The following SNAP25 variants were observed in gnomAD, a reference collection of about 807,000 sequenced individuals.
SNAP25 encodes synaptosome associated protein 25, also known as synaptosomal-associated protein 25.
In SNAP25, 3 loss-of-function variants were observed where a neutral mutation model predicts 28.7. The observed-to-expected ratio is 0.10, with a 90% CI of 0.05 to 0.27. SNAP25 has a LOEUF of 0.27. Among genes scored for constraint, SNAP25 ranks in the 10% least tolerant of loss-of-function variants. SNAP25 has a pLI of 1.00. For synonymous variants in SNAP25, 61 were observed against 88.1 expected (o/e 0.69, Z 1.72); for missense variants, 117 against 278.7 (o/e 0.42, Z 4.13).
chr20:10,305,847 C>T (rs912761644), intron 7 of SNAP25, among the ~76,000 whole-genome samples: 5 of 151,936 alleles, frequency 3.3e-5, no homozygotes, highest in Admixed American at 2.6e-4. Context: ...TAAGCCTACG[C>T]TCTCTGGTAG....
chr20:10,231,418 G>A (rs1007786445), intron 1 of SNAP25: 1 of 152,272 alleles, frequency 6.6e-6, no homozygotes, highest in African/African-American at 2.4e-5. Flanking sequence ...GTCACAGGGT[G>A]AGCACTGCAG....
chr20:10,247,289 G>T (rs969283058), intron 1 of SNAP25, among the ~76,000 whole-genome samples: 1 of 152,128 alleles, frequency 6.6e-6, no homozygotes, highest in Admixed American at 6.5e-5. Context: ...ACAACCACTT[G>T]TTCTGATCAG....
intron 1 of SNAP25, among the ~76,000 whole-genome samples, chr20:10,262,945 G>A (rs1360377936): frequency 2.0e-5 from 3 of 150,668 alleles, no homozygotes; most frequent in Admixed American, 1.3e-4. Context: ...GGAGTAGTGG[G>A]TCAAAAGCTC....
At chr20:10,279,024 G>T (rs2058733705) in intron 3 of SNAP25, among the ~76,000 whole-genome samples, 1 of 152,212 alleles carries the variant, frequency 6.6e-6, no homozygotes, top group South Asian at 2.1e-4. Context: ...CACACCGGAA[G>T]GCAGCCCTAG....
At chr20:10,221,156 C>A (rs368016267) in intron 1 of SNAP25, among the ~76,000 whole-genome samples, 1 of 152,162 alleles carries the variant, frequency 6.6e-6, no homozygotes, top group South Asian at 2.1e-4. Flanking sequence ...CAGCTGTCTG[C>A]GTAGTTGCGT....
At chr20:10,274,906 G>A (rs989929057) in intron 1 of SNAP25, among the ~76,000 whole-genome samples, 9 of 152,086 alleles carry the variant, frequency 5.9e-5, no homozygotes, top group Admixed American at 5.9e-4. Context: ...GGATAGGGCA[G>A]GGGCCAGTGG....
At chr20:10,239,258 C>T (rs983220388) in intron 1 of SNAP25, among the ~76,000 whole-genome samples, 2 of 152,188 alleles carry the variant, frequency 1.3e-5, no homozygotes. Flanking sequence ...ACTGAGTGTG[C>T]CGTGCCACCT....
chr20:10,231,600 C>G (rs1230651929), intron 1 of SNAP25: 2 of 152,160 alleles, frequency 1.3e-5, no homozygotes, highest in Non-Finnish European at 2.9e-5. Flanking sequence ...AGGTCTTGGC[C>G]TCAAGTGGTG....
rs1205694858 is a variant in SNAP25 at position 10,293,574 on chromosome 20, G to T, written c.281+296G>T. ...AGACAGAGGCTAGCCTCAAGAAAGA[G>T]GCACCCAGGGAACTTCCTTTTCCCC... On this transcript the variant is annotated intron_variant, in intron 5 of 7. Transcript: ENST00000254976. This position sits in a 1 kb window ranked among gnomAD's most constrained non-coding sequence, Gnocchi z 5.6. Among the ~76,000 whole-genome samples the T allele has an allele frequency of 6.6e-6, 1 of 152,200 alleles. No homozygotes were observed. Among genetic ancestry groups the T allele is most frequent in the Non-Finnish European group, 1.5e-5 (1 of 68,028 alleles).
chr20:10,241,778 G>A (rs1428993055), intron 1 of SNAP25, among the ~76,000 whole-genome samples: 1 of 152,206 alleles, frequency 6.6e-6, no homozygotes, highest in East Asian at 1.9e-4. Context: ...GAGAAGCGCA[G>A]AGGAAAGTGA....
intron 1 of SNAP25, among the ~76,000 whole-genome samples, chr20:10,247,836 C>T (rs934174262): frequency 5.9e-5 from 9 of 152,232 alleles, no homozygotes; most frequent in Non-Finnish European, 1.3e-4. Flanking sequence ...TGACCCTCAA[C>T]TTAAAACTTA....
chr20:10,229,122 A>G (rs1466033741), intron 1 of SNAP25, among the ~76,000 whole-genome samples: 2 of 152,094 alleles, frequency 1.3e-5, no homozygotes, highest in African/African-American at 4.8e-5. Flanking sequence ...ATGCTTGAGG[A>G]GTTAAAAGAG....
chr20:10,250,204 CTACT>C (rs1292412218), intron 1 of SNAP25, among the ~76,000 whole-genome samples: 5 of 152,176 alleles, frequency 3.3e-5, no homozygotes, highest in African/African-American at 7.2e-5. Flanking sequence ...CTTCAGAAAA[CTACT>C]TACTTTTTAA....
intron 1 of SNAP25, among the ~76,000 whole-genome samples, chr20:10,233,481 C>T (rs556936505): frequency 1.1e-4 from 17 of 152,288 alleles, no homozygotes; most frequent in African/African-American, 4.1e-4. Context: ...AATCTCCTTC[C>T]TCTGCATTTA....
At chr20:10,242,407 T>C (rs2122744772) in intron 1 of SNAP25, among the ~76,000 whole-genome samples, 1 of 152,122 alleles carries the variant, frequency 6.6e-6, no homozygotes, top group South Asian at 2.1e-4. Context: ...AAACTCCCAG[T>C]AGGGGAGGGG....
At chr20:10,257,444 G>A (rs565444483) in intron 1 of SNAP25, among the ~76,000 whole-genome samples, 6 of 152,160 alleles carry the variant, frequency 3.9e-5, no homozygotes, top group African/African-American at 7.2e-5. Context: ...GGCCAGACGC[G>A]GTGGCTCACG....
intron 1 of SNAP25, among the ~76,000 whole-genome samples, chr20:10,260,724 A>AAAC (rs2063399946): frequency 4.7e-4 from 37 of 78,476 alleles, no homozygotes; most frequent in African/African-American, 1.5e-3. Flanking sequence ...CACACACACA[A>AAAC]ACACACACAC....
chr20:10,266,241 G>T (rs2063504302), intron 1 of SNAP25, among the ~76,000 whole-genome samples: 1 of 152,148 alleles, frequency 6.6e-6, no homozygotes, highest in East Asian at 1.9e-4. Context: ...TTAGGGAGTT[G>T]TCTCAGCAGC....
intron 1 of SNAP25, among the ~76,000 whole-genome samples, chr20:10,221,421 G>A (rs187074947): frequency 2.0e-4 from 30 of 152,192 alleles, no homozygotes; most frequent in African/African-American, 6.7e-4. Flanking sequence ...CAAGCTTCCA[G>A]GGAAAAAAAA....
Sources: gnomAD v4.1 joint callset for allele counts (sites outside exome capture counted in the v4.1 genomes callset) on GRCh38, gnomAD v4.1.1 for gene constraint, Gnocchi (gnomAD v3.1) non-coding constraint, MANE v1.5 for transcripts, NCBI Gene and HGNC (gene_info 2026-07-23, HGNC 2026-07-21) for gene names.